Variants in WDR27 observed in about 807,000 individuals in gnomAD.
WDR27 encodes WD repeat domain 27.
WDR27 carries 100 observed loss-of-function variants against 114.4 expected under a neutral mutation model. That is an observed-to-expected ratio of 0.87 (90% CI 0.74 to 1.03). The LOEUF is 1.03. Ranked by LOEUF, WDR27 falls within the 50% of genes least tolerant of loss-of-function variation. WDR27 has a pLI of 0.00. For missense variants in WDR27, 1,129 were observed against 1,092.9 expected (o/e 1.03, Z -0.47); for synonymous variants, 449 against 423.1 (o/e 1.06, Z -0.75).
intron 25 of WDR27, among the ~76,000 whole-genome samples, chr6:169,488,583 C>T (rs1205020095): frequency 1.3e-5 from 2 of 152,216 alleles, no homozygotes; most frequent in African/African-American, 4.8e-5. Flanking sequence ...CCTTTGCAAT[C>T]CATTACTGAA....
chr6:169,543,927 T>C (rs750989339), intron 25 of WDR27, among the ~76,000 whole-genome samples: 16 of 152,224 alleles, frequency 1.1e-4, no homozygotes, highest in Admixed American at 6.5e-5. Context: ...CACTGAGTCA[T>C]GCAGATTTCA....
In WDR27 at chr6:169,565,402, A is replaced by G. The variant is rs555846765; in HGVS notation, c.2645+7017T>C. On this transcript the variant is annotated intron_variant, in intron 25 of 25. Coordinates refer to ENST00000448612, the MANE Select transcript of WDR27 (RefSeq NM_182552.5). ...CAGACTGTATTTCAGATAAGGCGGA[A>G]CACTGCCCCGCATCTGGGATCCATT... Among the ~76,000 whole-genome samples the G allele has an allele frequency of 3.9e-5, 6 of 152,250 alleles. No homozygotes were observed. In the East Asian group the frequency reaches 9.7e-4, roughly 25 times the overall value.
intron 25 of WDR27, among the ~76,000 whole-genome samples, chr6:169,506,089 T>C (rs16888082): frequency 0.036 from 5,530 of 152,342 alleles, 267 homozygotes; most frequent in African/African-American, 0.11. Flanking sequence ...TCAATGGAAT[T>C]GTAATTTATT....
chr6:169,682,935 T>C (rs989853641), intron 2 of WDR27, among the ~76,000 whole-genome samples: 1 of 151,900 alleles, frequency 6.6e-6, no homozygotes, highest in Non-Finnish European at 1.5e-5. Context: ...AAAAATGCAA[T>C]AGATAGCATC....
intron 1 of WDR27, among the ~76,000 whole-genome samples, chr6:169,698,501 G>A (rs1394727481): frequency 1.3e-5 from 2 of 152,138 alleles, no homozygotes; most frequent in African/African-American, 4.8e-5. Context: ...TTGAACAGAG[G>A]TCAGATGGCC....
chr6:169,689,283 T>C (rs965261705), intron 1 of WDR27: 2 of 286,942 alleles, frequency 7.0e-6, no homozygotes, highest in African/African-American at 4.4e-5. Context: ...AGAGCCTGCT[T>C]AGGCTTCCTC....
chr6:169,662,250 A>G, intron 9 of WDR27, 54 bp downstream of exon 9: 2 of 1,583,122 alleles, frequency 1.3e-6, no homozygotes, highest in Non-Finnish European at 8.6e-7. Flanking sequence ...ATGTTCATCT[A>G]AGGAATTTAA....
At position 169,660,733 on chromosome 6, in the gene WDR27, G is replaced by T. The variant is rs368743714; in HGVS notation, c.1059C>A (p.Ile353=). 6.2e-7 allele frequency: 1 copy of T among 1,613,776 alleles called. No homozygotes were observed. The highest frequency in any genetic ancestry group is 1.1e-5 in the South Asian group (1 of 91,074). ...LSSENTRCVW[I]GSSVGLFVFN... Reference sequence around the variant, plus strand: ...ATACGAATAAGCCCACTGAGCTTCCGATCCACACACATCGGGTGTTCTCAG... The same window carrying T: ...ATACGAATAAGCCCACTGAGCTTCCTATCCACACACATCGGGTGTTCTCAG... The change falls in exon 10 of 26, where the codon ATC becomes ATA. Residue 353 remains isoleucine (I), a synonymous_variant. Transcript: ENST00000448612.
chr6:169,615,513 C>T (rs1249535584), intron 21 of WDR27, among the ~76,000 whole-genome samples: 4 of 152,032 alleles, frequency 2.6e-5, no homozygotes, highest in Non-Finnish European at 5.9e-5. Flanking sequence ...TCAACAAAGC[C>T]GACAAAAACA....
intron 25 of WDR27, among the ~76,000 whole-genome samples, chr6:169,569,982 T>C (rs1016306293): frequency 6.6e-5 from 10 of 152,220 alleles, no homozygotes; most frequent in African/African-American, 2.4e-4. Context: ...TGGGTTTTAC[T>C]GGACTTAGCC....
At chr6:169,529,018 T>C (rs1218808850) in intron 25 of WDR27, among the ~76,000 whole-genome samples, 1 of 152,124 alleles carries the variant, frequency 6.6e-6, no homozygotes, top group Non-Finnish European at 1.5e-5. Flanking sequence ...AGTATGAAAA[T>C]GTGTTCACAG....
chr6:169,578,178 T>C (rs1474663277), intron 24 of WDR27, among the ~76,000 whole-genome samples: 1 of 152,176 alleles, frequency 6.6e-6, no homozygotes, highest in East Asian at 1.9e-4. Context: ...TGTAAGGCGC[T>C]CTCCAACTGT....
intron 5 of WDR27, 75 bp downstream of exon 5, chr6:169,667,907 C>T (rs974344217): frequency 5.2e-5 from 73 of 1,412,934 alleles, no homozygotes; most frequent in African/African-American, 7.2e-5. Context: ...GTGAAGCAAC[C>T]GCACAGCTCC....
At chr6:169,522,377 G>A (rs1195439327) in intron 25 of WDR27, among the ~76,000 whole-genome samples, 1 of 151,902 alleles carries the variant, frequency 6.6e-6, no homozygotes, top group Admixed American at 6.6e-5. Context: ...TAATAACAGG[G>A]AACTTCAATA....
chr6:169,629,078 G>A, intron 21 of WDR27, among the ~76,000 whole-genome samples: 1 of 152,164 alleles, frequency 6.6e-6, no homozygotes, highest in East Asian at 1.9e-4. Context: ...AGTGGGAACA[G>A]AGAGGAAAGG....
At chr6:169,437,711 TTGTAA>T in the WDR27 span, among the ~76,000 whole-genome samples, 1 of 152,178 alleles carries the variant, frequency 6.6e-6, no homozygotes, top group Non-Finnish European at 1.5e-5. Context: ...AAATTTTGAA[TTGTAA>T]TGTATTTTTA....
chr6:169,605,609 C>T (rs1308705996), intron 22 of WDR27, among the ~76,000 whole-genome samples: 2 of 141,338 alleles, frequency 1.4e-5, no homozygotes, highest in African/African-American at 2.6e-5. Flanking sequence ...AAAAAAAACA[C>T]CCTAAACTTC....
At chr6:169,598,019 G>A (rs1015808380) in intron 23 of WDR27, among the ~76,000 whole-genome samples, 3 of 151,592 alleles carry the variant, frequency 2.0e-5, no homozygotes, top group African/African-American at 7.3e-5. Flanking sequence ...TACAGAATGT[G>A]AGCTGCCCCT....
chr6:169,658,815 C>T (rs1350442135), intron 12 of WDR27, among the ~76,000 whole-genome samples: 1 of 151,970 alleles, frequency 6.6e-6, no homozygotes, highest in Non-Finnish European at 1.5e-5. Context: ...TCCCGACTAG[C>T]TGGGACTACA....
Sources: allele counts gnomAD v4.1 joint callset (sites outside exome capture counted in the v4.1 genomes callset), GRCh38; gene constraint gnomAD v4.1.1; transcripts MANE v1.5; gene names NCBI Gene and HGNC (gene_info 2026-07-23, HGNC 2026-07-21).